The following SUCLA2 variants were observed in gnomAD, a reference collection of about 807,000 sequenced individuals.
SUCLA2 encodes the protein succinate--CoA ligase [ADP-forming] subunit beta, mitochondrial.
A neutral mutation model predicts 54.8 loss-of-function variants in SUCLA2; 30 were observed. That is an observed-to-expected ratio of 0.55 (90% CI 0.41 to 0.74). The LOEUF (loss-of-function observed/expected upper bound fraction) is 0.74. SUCLA2 is among the 30% of genes least tolerant of loss of function. The pLI, the probability that SUCLA2 is intolerant of heterozygous loss-of-function variation, is 0.00. For missense variants in SUCLA2, 476 were observed against 562.9 expected (o/e 0.85, Z 1.56); for synonymous variants, 172 against 188.9 (o/e 0.91, Z 0.74).
At chr13:47,964,607 C>T (rs1418027013) in intron 6 of SUCLA2, among the ~76,000 whole-genome samples, 1 of 152,162 alleles carries the variant, frequency 6.6e-6, no homozygotes, top group Non-Finnish European at 1.5e-5. Context: ...CCTGTAATCC[C>T]AGCACTTTGG....
At chr13:47,981,289 A>G (rs1380832309) in intron 4 of SUCLA2, among the ~76,000 whole-genome samples, 2 of 152,230 alleles carry the variant, frequency 1.3e-5, no homozygotes, top group Non-Finnish European at 2.9e-5. Flanking sequence ...AAAAAAATTT[A>G]AAGATGGGCA....
intron 6 of SUCLA2, among the ~76,000 whole-genome samples, chr13:47,964,693 T>A (rs1199002440): frequency 1.3e-5 from 2 of 151,922 alleles, no homozygotes; most frequent in Non-Finnish European, 2.9e-5. Context: ...CCGTCTCTAC[T>A]AAAAATACAA....
At chr13:47,994,662 C>T (rs1456384067) in intron 2 of SUCLA2, 1 of 186,678 alleles carries the variant, frequency 5.4e-6, no homozygotes, top group Non-Finnish European at 1.0e-5. Context: ...TTCTGCTCCT[C>T]TAGATTTAAA....
chr13:47,991,405 TG>T (rs1481971252), intron 2 of SUCLA2: 4 of 152,276 alleles, frequency 2.6e-5, no homozygotes, highest in Admixed American at 1.3e-4. Flanking sequence ...GGTGTCCATG[TG>T]GGAAAAGCCC....
chr13:47,945,900 T>A (rs897135701), intron 10 of SUCLA2: 1 of 152,266 alleles, frequency 6.6e-6, no homozygotes, highest in Non-Finnish European at 1.5e-5. Context: ...CTGTATAAAC[T>A]ACTCTTCCAT....
Position 47,948,870 on chromosome 13 carries a change from G to C in SUCLA2, c.1317+70C>G, listed in dbSNP as rs1051491412. 4 of 1,342,618 alleles carry C rather than the reference G, an allele frequency of 3.0e-6. No individual in the cohort carries two copies. The African/African-American group carries it at 5.8e-5, about 19-fold the overall frequency. 83.2% of individuals were successfully genotyped at this position (1,342,618 alleles called of 1,614,324 possible). A position where few individuals can be genotyped will look rare whatever the true frequency, so the allele number is the denominator to read the frequency against. ...TTAGCTGAAACACAAATTATTAGCT[G>C]TATTAATAATTAGGTTCATTTTAGA... On this transcript the variant is annotated intron_variant, in intron 10 of 10. Transcript: ENST00000646932.
At chr13:47,975,160 CTTTTCT>C (rs1950000751) in intron 4 of SUCLA2, among the ~76,000 whole-genome samples, 1 of 145,170 alleles carries the variant, frequency 6.9e-6, no homozygotes, top group African/African-American at 2.6e-5. Flanking sequence ...TTCTTTCTTT[CTTTTCT>C]TTTTTTTTTT....
intron 4 of SUCLA2, among the ~76,000 whole-genome samples, chr13:47,982,712 TA>T (rs11389506): frequency 1.3e-4 from 20 of 148,236 alleles, no homozygotes; most frequent in Middle Eastern, 3.4e-3. Flanking sequence ...TTTGACAATC[TA>T]AAAAAAAAAA....
chr13:47,963,197 A>T (rs1949886311), intron 6 of SUCLA2, among the ~76,000 whole-genome samples: 2 of 152,240 alleles, frequency 1.3e-5, no homozygotes, highest in South Asian at 4.1e-4. Context: ...TGTTTTGGTA[A>T]CGAAAGGAAT....
In SUCLA2 at chr13:47,988,608, A is replaced by C. The variant is rs374513034; in HGVS notation, c.467T>G (p.Leu156Trp). 1 of 1,613,856 alleles carries C rather than the reference A, an allele frequency of 6.2e-7. No homozygotes were observed. Among genetic ancestry groups the C allele is most frequent in the Non-Finnish European group, 8.5e-7 (1 of 1,179,964 alleles). ...CCTGGGATATTTTCGCTCACAGACC[A>C]ATACTTGATTGCATATTCTGCCCTT... Reference protein sequence around the residue: ...GEKGRICNQVLVCERKYPRRE... With the variant: ...GEKGRICNQVWVCERKYPRRE... The change falls in exon 4 of 11, where the codon TTG (leucine) becomes TGG (tryptophan). Residue 156 changes from leucine to tryptophan, a missense_variant. By Grantham distance (61) the Leu-to-Trp change is moderately conservative. Around this residue, in one of 2 missense-constraint regions of SUCLA2, gnomAD observed 342 missense variants for 444.2 expected, o/e 0.77. Transcript: ENST00000646932.
intron 6 of SUCLA2, among the ~76,000 whole-genome samples, chr13:47,955,725 A>C (rs553621394): frequency 6.6e-6 from 1 of 152,156 alleles, no homozygotes; most frequent in East Asian, 1.9e-4. Flanking sequence ...ACCCACTCTA[A>C]TCAGGCTTTT....
chr13:47,967,970 A>G (rs1471918098), intron 6 of SUCLA2, among the ~76,000 whole-genome samples: 3 of 152,230 alleles, frequency 2.0e-5, no homozygotes, highest in Non-Finnish European at 4.4e-5. Flanking sequence ...ACCAAATGTC[A>G]GAAAAAAGAT....
rs781572590 is a variant in SUCLA2 at position 47,949,046 on chromosome 13, A to C, written c.1229-18T>G. ...TCGTGTACCTGTAAATGATTTATGC[A>C]AATATAAATGTTTTAAATACACACA... On this transcript the variant is annotated intron_variant, in intron 9 of 10. Coordinates refer to ENST00000646932, the MANE Select transcript of SUCLA2 (RefSeq NM_003850.3). 1 of 1,610,040 alleles carries C rather than the reference A, an allele frequency of 6.2e-7. No individual in the cohort carries two copies. Among genetic ancestry groups the C allele is most frequent in the Admixed American group, 1.7e-5 (1 of 59,996 alleles).
At position 47,954,490 on chromosome 13, in the gene SUCLA2, A is replaced by C; in HGVS notation, c.870T>G (p.Asp290Glu). Residue 290 changes from aspartate (D) to glutamate (E), a missense_variant, in exon 7 of 11, where the codon GAT (aspartate) becomes GAG (glutamate). Around this residue, in one of 2 missense-constraint regions of SUCLA2, gnomAD observed 342 missense variants for 444.2 expected, o/e 0.77. Transcript: ENST00000646932. ...NSAYRQKKIFDLQDWTQEDER... is the reference protein window; with the variant it reads ...NSAYRQKKIFELQDWTQEDER... ...CATCTTCCTGGGTCCAGTCCTGTAGATCAAAGATTTTCTTTTGGCGATAGG... is the reference window on the plus strand; with the variant it reads ...CATCTTCCTGGGTCCAGTCCTGTAGCTCAAAGATTTTCTTTTGGCGATAGG... 2 of 1,613,932 alleles carry C rather than the reference A, an allele frequency of 1.2e-6. No homozygotes were observed. Among genetic ancestry groups the C allele is most frequent in the South Asian group, 2.2e-5 (2 of 91,072 alleles).
At chr13:47,955,974 G>A (rs921136351) in intron 6 of SUCLA2, among the ~76,000 whole-genome samples, 3 of 152,176 alleles carry the variant, frequency 2.0e-5, no homozygotes, top group African/African-American at 7.2e-5. Flanking sequence ...TTCAGAGGAA[G>A]ATAACAGAAT....
intron 10 of SUCLA2, chr13:47,945,686 A>ACACACACACACACACAC (rs1491146856): frequency 5.8e-5 from 1 of 17,330 alleles, no homozygotes; most frequent in African/African-American, 1.1e-4. Context: ...ACACACACAC[A>ACACACACACACACACAC]AAGTCCCCCC....
chr13:48,000,780 C>T, intron 1 of SUCLA2: 4 of 915,706 alleles, frequency 4.4e-6, no homozygotes, highest in Non-Finnish European at 5.4e-6. Flanking sequence ...CCAAGAAACA[C>T]AAAAGTACTT....
chr13:47,968,788 T>G, intron 5 of SUCLA2, 55 bp from the exon 6 acceptor site: 1 of 1,575,478 alleles, frequency 6.3e-7, no homozygotes, highest in South Asian at 1.1e-5. Flanking sequence ...TAATCAACAT[T>G]ACTATAAATA....
At chr13:47,979,995 T>C (rs538136147) in intron 4 of SUCLA2, among the ~76,000 whole-genome samples, 1 of 152,112 alleles carries the variant, frequency 6.6e-6, no homozygotes, top group Admixed American at 6.5e-5. Context: ...GTGAACAATG[T>C]GAAAAGGAAA....
Sources: allele counts gnomAD v4.1 joint callset (sites outside exome capture counted in the v4.1 genomes callset), GRCh38; gene constraint gnomAD v4.1.1; regional missense constraint gnomAD v4.1.1; transcripts MANE v1.5; gene names NCBI Gene and HGNC (gene_info 2026-07-23, HGNC 2026-07-21).